The following ADAMTSL3 variants were observed in gnomAD, a reference collection of about 807,000 sequenced individuals.
ADAMTSL3 encodes the protein ADAMTS-like protein 3.
A neutral mutation model predicts 201.7 loss-of-function variants in ADAMTSL3; 128 were observed. That is an observed-to-expected ratio of 0.63 (90% CI 0.55 to 0.73). The LOEUF is 0.73. Ranked by LOEUF, ADAMTSL3 falls within the 30% of genes least tolerant of loss-of-function variation. The pLI is 0.00. For synonymous variants in ADAMTSL3, 738 were observed against 748.4 expected (o/e 0.99, Z 0.23); for missense variants, 1,990 against 2,119.6 (o/e 0.94, Z 1.20).
chr15:83,891,676 C>T (rs2065501442), intron 12 of ADAMTSL3, among the ~76,000 whole-genome samples: 1 of 152,144 alleles, frequency 6.6e-6, no homozygotes, highest in Non-Finnish European at 1.5e-5. Context: ...CCCTTTTATA[C>T]CGAGATGAGT....
At chr15:83,735,010 A>G (rs2062347642) in intron 3 of ADAMTSL3, among the ~76,000 whole-genome samples, 1 of 152,196 alleles carries the variant, frequency 6.6e-6, no homozygotes. Flanking sequence ...CACCACCTGT[A>G]GTTATAATAG....
At chr15:83,888,815 CCTT>C (rs1464198122) in intron 10 of ADAMTSL3, among the ~76,000 whole-genome samples, 1 of 152,168 alleles carries the variant, frequency 6.6e-6, no homozygotes, top group African/African-American at 2.4e-5. Flanking sequence ...ACCAGTCCGT[CCTT>C]CTGCACTCAG....
intron 2 of ADAMTSL3, among the ~76,000 whole-genome samples, chr15:83,701,369 T>C (rs937024506): frequency 1.3e-5 from 2 of 152,204 alleles, no homozygotes; most frequent in African/African-American, 4.8e-5. Context: ...AGCAAGTCCA[T>C]TGGGTCATCA....
intron 17 of ADAMTSL3, among the ~76,000 whole-genome samples, chr15:83,934,313 C>T (rs899885745): frequency 1.3e-5 from 2 of 152,212 alleles, no homozygotes; most frequent in Non-Finnish European, 2.9e-5. Context: ...TTTTACTGCC[C>T]AGCTAAATTT....
intron 28 of ADAMTSL3, among the ~76,000 whole-genome samples, chr15:84,035,949 C>T (rs1021944024): frequency 6.6e-6 from 1 of 152,176 alleles, no homozygotes; most frequent in East Asian, 1.9e-4. Flanking sequence ...ATACTCCACA[C>T]TTCAGGTTTG....
rs1178921302 is a variant in ADAMTSL3, at chr15:83,941,614, A to G, written c.2118-982A>G. Reference sequence around the variant, plus strand: ...ATGTTAATAACTATACATCTACTTTATTATTTTAATGGCTGCTAGCATTGT... The same window carrying G: ...ATGTTAATAACTATACATCTACTTTGTTATTTTAATGGCTGCTAGCATTGT... On this transcript the variant is annotated intron_variant, in intron 17 of 29. Coordinates refer to ENST00000286744, the MANE Select transcript of ADAMTSL3 (RefSeq NM_207517.3). Among the ~76,000 whole-genome samples the G allele has an allele frequency of 2.0e-5, 3 of 152,178 alleles. No homozygotes were observed. In the East Asian group the frequency reaches 5.8e-4, roughly 29 times the overall value.
At chr15:84,014,452 C>T (rs543108040) in intron 23 of ADAMTSL3, 90 bp from the exon 24 acceptor site, 46 of 1,219,600 alleles carry the variant, frequency 3.8e-5, no homozygotes, top group Middle Eastern at 2.0e-4. Flanking sequence ...TGCTGACTTA[C>T]GGTCAAAACA....
chr15:83,926,636 G>A (rs969573694), intron 17 of ADAMTSL3, among the ~76,000 whole-genome samples: 7 of 147,714 alleles, frequency 4.7e-5, no homozygotes, highest in Admixed American at 1.3e-4. Flanking sequence ...TTTTTGAGAC[G>A]GAGTTTCGCT....
At chr15:83,940,887 T>A (rs113563602) in intron 17 of ADAMTSL3, among the ~76,000 whole-genome samples, 1 of 152,088 alleles carries the variant, frequency 6.6e-6, no homozygotes, top group Non-Finnish European at 1.5e-5. Context: ...TCTTGAAAAT[T>A]TGTAGGACTT....
At chr15:84,033,296 G>A (rs2068441932) in intron 28 of ADAMTSL3, among the ~76,000 whole-genome samples, 1 of 152,114 alleles carries the variant, frequency 6.6e-6, no homozygotes, top group African/African-American at 2.4e-5. Context: ...CTCCCTGCTA[G>A]ACTAAAATTA....
chr15:83,877,385 T>A (rs2065196557), intron 9 of ADAMTSL3, among the ~76,000 whole-genome samples: 1 of 152,230 alleles, frequency 6.6e-6, no homozygotes, highest in Non-Finnish European at 1.5e-5. Flanking sequence ...AGCCATTAGG[T>A]GAAGAATGAT....
rs1199728460 is a variant in ADAMTSL3 at position 84,039,533 on chromosome 15, CATACTCTTTGTATATATTT to C, written c.*1730_*1748del. 1 of 152,576 alleles carries C rather than the reference CATACTCTTTGTATATATTT, an allele frequency of 6.6e-6. No individual in the cohort carries two copies. The highest frequency in any genetic ancestry group is 1.5e-5 in the Non-Finnish European group (1 of 68,034). 9.5% of individuals were successfully genotyped at this position (152,576 alleles called of 1,614,324 possible). A position where few individuals can be genotyped will look rare whatever the true frequency, so the allele number is the denominator to read the frequency against. On this transcript the variant is annotated 3_prime_UTR_variant, in exon 30 of 30. Coordinates refer to ENST00000286744, the MANE Select transcript of ADAMTSL3 (RefSeq NM_207517.3). ...AAATTAAAAGAAAGATCATTTGTAA[CATACTCTTTGTATATATTT>C]ATTATATGAAAGGTGCAATATTTTA...
chr15:83,816,389 A>G (rs1016604790), intron 5 of ADAMTSL3, among the ~76,000 whole-genome samples: 2 of 152,154 alleles, frequency 1.3e-5, no homozygotes, highest in African/African-American at 4.8e-5. Flanking sequence ...CACATGTACA[A>G]ATCTGGCCAC....
chr15:83,683,533 A>G (rs1462743614), intron 2 of ADAMTSL3, among the ~76,000 whole-genome samples: 3 of 152,046 alleles, frequency 2.0e-5, no homozygotes, highest in Non-Finnish European at 2.9e-5. Context: ...GTCTATGTCT[A>G]TTTTACCTTT....
At chr15:83,804,111 C>G (rs184597553) in intron 4 of ADAMTSL3, among the ~76,000 whole-genome samples, 1 of 152,006 alleles carries the variant, frequency 6.6e-6, no homozygotes, top group African/African-American at 2.4e-5. Flanking sequence ...CCATTGCACT[C>G]CAGCCTGGGC....
intron 5 of ADAMTSL3, among the ~76,000 whole-genome samples, chr15:83,805,550 C>CT (rs1346126267): frequency 6.7e-6 from 1 of 149,816 alleles, no homozygotes; most frequent in Non-Finnish European, 1.5e-5. Flanking sequence ...GAGTGAGACT[C>CT]TGTCTCAAAA....
At chr15:83,932,331 G>T (rs1169912366) in intron 17 of ADAMTSL3, among the ~76,000 whole-genome samples, 1 of 152,166 alleles carries the variant, frequency 6.6e-6, no homozygotes, top group Non-Finnish European at 1.5e-5. Context: ...TTGTAAGAAA[G>T]TAAGAGAAAT....
chr15:83,963,116 T>C (rs1215861988), intron 19 of ADAMTSL3, among the ~76,000 whole-genome samples: 2 of 152,170 alleles, frequency 1.3e-5, no homozygotes, highest in African/African-American at 4.8e-5. Flanking sequence ...TCAAGCTAGC[T>C]GCAGGAGGTT....
intron 2 of ADAMTSL3, among the ~76,000 whole-genome samples, chr15:83,689,040 C>T (rs144346955): frequency 0.069 from 10,548 of 152,066 alleles, 577 homozygotes; most frequent in East Asian, 0.17. Context: ...CCAGGCTGGT[C>T]TCGAACTCCT....
Sources: gnomAD v4.1 joint callset for allele counts (sites outside exome capture counted in the v4.1 genomes callset) on GRCh38, gnomAD v4.1.1 for gene constraint, MANE v1.5 for transcripts, NCBI Gene and HGNC (gene_info 2026-07-23, HGNC 2026-07-21) for gene names.